The following GRID2 variants were observed in gnomAD, a reference collection of about 807,000 sequenced individuals.
GRID2 encodes the protein glutamate ionotropic receptor delta type subunit 2.
Under a neutral mutation model 114.8 loss-of-function variants are expected in GRID2, and 33 were observed. The observed-to-expected ratio is 0.29, with a 90% CI of 0.22 to 0.38. The LOEUF (loss-of-function observed/expected upper bound fraction) is 0.38. Ranked by LOEUF, GRID2 falls within the 10% of genes least tolerant of loss-of-function variation. GRID2 has a pLI of 1.00. For synonymous variants in GRID2, 505 were observed against 449.9 expected (o/e 1.12, Z -1.55); for missense variants, 1,184 against 1,257.7 (o/e 0.94, Z 0.89).
intron 2 of GRID2, among the ~76,000 whole-genome samples, chr4:93,013,752 C>G (rs1031591280): frequency 6.6e-6 from 1 of 151,882 alleles, no homozygotes; most frequent in East Asian, 1.9e-4. Flanking sequence ...CTTAATCATT[C>G]TTAATCAGAA....
intron 13 of GRID2, among the ~76,000 whole-genome samples, chr4:93,623,459 C>T (rs7679180): frequency 0.13 from 19,695 of 152,034 alleles, 3,605 homozygotes; most frequent in African/African-American, 0.41. Context: ...GCAAAGGACA[C>T]GAACTGCCAG....
intron 1 of GRID2, among the ~76,000 whole-genome samples, chr4:93,782,830 A>C (rs1426265540): frequency 6.6e-6 from 1 of 152,176 alleles, no homozygotes; most frequent in East Asian, 1.9e-4. Flanking sequence ...ATTTGAGATT[A>C]TAATTCTTTG....
intron 1 of GRID2, among the ~76,000 whole-genome samples, chr4:92,359,811 A>G (rs1299720482): frequency 6.6e-6 from 1 of 151,974 alleles, no homozygotes; most frequent in Non-Finnish European, 1.5e-5. Context: ...AAGCTTGCCA[A>G]AACATTTTTT....
At position 93,222,878 on chromosome 4, in the gene GRID2, C is replaced by T. The variant is rs189425315; in HGVS notation, c.964-1736C>T. 4.2e-4 allele frequency among the ~76,000 whole-genome samples: 64 copies of T among 152,020 alleles called. 1 individual carries two copies. The East Asian group carries it at 7.9e-3, about 19-fold the overall frequency. On this transcript the variant is annotated intron_variant, in intron 6 of 15. Transcript: ENST00000282020. ...GACACATGCACACGTATGTTTATTG[C>T]GGCACTACTCACAATAGCAAAGACT... is the stretch of plus-strand genomic sequence containing the variant.
intron 2 of GRID2, among the ~76,000 whole-genome samples, chr4:92,958,599 A>G (rs762227172): frequency 5.3e-5 from 8 of 152,054 alleles, no homozygotes; most frequent in East Asian, 1.9e-4. Flanking sequence ...ATTTGCATCT[A>G]TGTCCACAAC....
intron 13 of GRID2, among the ~76,000 whole-genome samples, chr4:93,613,819 T>C (rs1338723369): frequency 2.0e-5 from 3 of 151,904 alleles, no homozygotes; most frequent in Admixed American, 6.6e-5. Flanking sequence ...GCAGGCCTCC[T>C]TGAGCTGTGG....
intron 11 of GRID2, among the ~76,000 whole-genome samples, chr4:93,486,907 A>C (rs1726465269): frequency 6.6e-6 from 1 of 151,780 alleles, no homozygotes; most frequent in African/African-American, 2.4e-5. Flanking sequence ...TACAATTAAA[A>C]TTAATTACTC....
At chr4:93,780,977 A>G (rs1361918881) in intron 1 of GRID2, among the ~76,000 whole-genome samples, 1 of 152,248 alleles carries the variant, frequency 6.6e-6, no homozygotes, top group East Asian at 1.9e-4. Context: ...TAGGTATTGA[A>G]GGAAGAATCA....
Position 93,580,425 on chromosome 4 carries a change from C to T in GRID2, c.2194-45844C>T, listed in dbSNP as rs182848421. On this transcript the variant is annotated intron_variant, in intron 13 of 15. Transcript: ENST00000282020. ...AAAAATTGTTTCTTTCTGAATATTT[C>T]GAGAAAGAACTCCTGTGTTTTCAGG... is the stretch of plus-strand genomic sequence containing the variant. 1.1e-3 allele frequency among the ~76,000 whole-genome samples: 175 copies of T among 152,236 alleles called. 1 individual carries two copies. Among genetic ancestry groups the T allele is most frequent in the African/African-American group, 4.0e-3 (168 of 41,526 alleles).
intron 2 of GRID2, among the ~76,000 whole-genome samples, chr4:92,610,814 T>G (rs370983157): frequency 6.6e-6 from 1 of 151,728 alleles, no homozygotes; most frequent in East Asian, 1.9e-4. Context: ...AATTAGATAA[T>G]ACAAAATCTT....
At chr4:92,957,214 A>G (rs1752469139) in intron 2 of GRID2, among the ~76,000 whole-genome samples, 1 of 152,140 alleles carries the variant, frequency 6.6e-6, no homozygotes, top group Admixed American at 6.6e-5. Flanking sequence ...TAGTATCTGA[A>G]ACGTTACCAT....
At chr4:93,282,674 AT>A (rs1752770046) in intron 8 of GRID2, among the ~76,000 whole-genome samples, 1 of 152,026 alleles carries the variant, frequency 6.6e-6, no homozygotes, top group Admixed American at 6.6e-5. Flanking sequence ...TTGGGGACAC[AT>A]TCAAATCATA....
chr4:93,099,153 A>C (rs1190438461), intron 3 of GRID2, among the ~76,000 whole-genome samples: 1 of 151,828 alleles, frequency 6.6e-6, no homozygotes, highest in East Asian at 1.9e-4. Flanking sequence ...CCTGAGTTAC[A>C]TGATGACTCT....
At position 93,202,843 on chromosome 4, in the gene GRID2, C is replaced by T. The variant is rs138962550; in HGVS notation, c.736-4561C>T. On this transcript the variant is annotated intron_variant, in intron 4 of 15. Coordinates refer to ENST00000282020, the MANE Select transcript of GRID2 (RefSeq NM_001510.4). Reference sequence around the variant, plus strand: ...ATGAGAAGCATAAACAATATTATCACTGCTTTTTCTCCTTTATTTCCTTTA... The same window carrying T: ...ATGAGAAGCATAAACAATATTATCATTGCTTTTTCTCCTTTATTTCCTTTA... Among the ~76,000 whole-genome samples, 26 of 152,178 alleles carry T rather than the reference C, an allele frequency of 1.7e-4. No individual in the cohort carries two copies. The East Asian group carries it at 4.8e-3, about 28-fold the overall frequency.
chr4:92,675,256 C>A lies in GRID2; in HGVS notation c.244+84970C>A, dbSNP rs1404489282. Among the ~76,000 whole-genome samples, 8 of 152,182 alleles carry A rather than the reference C, an allele frequency of 5.3e-5. No homozygotes were observed. The East Asian group carries it at 1.5e-3, about 29-fold the overall frequency. ...TCAGGTTAATCAGAACTCCACTGTTCCTCAGCACTTTGGCTTTTGGAATAG... is the reference window on the plus strand; with the variant it reads ...TCAGGTTAATCAGAACTCCACTGTTACTCAGCACTTTGGCTTTTGGAATAG... On this transcript the variant is annotated intron_variant, in intron 2 of 15. Coordinates refer to ENST00000282020, the MANE Select transcript of GRID2 (RefSeq NM_001510.4).
chr4:93,045,451 A>C (rs779419808), intron 2 of GRID2, among the ~76,000 whole-genome samples: 1 of 152,100 alleles, frequency 6.6e-6, no homozygotes, highest in Non-Finnish European at 1.5e-5. Context: ...TTTGAGACCA[A>C]AATAACTTTG....
chr4:93,582,497 C>A (rs1234193176), intron 13 of GRID2, among the ~76,000 whole-genome samples: 1 of 152,108 alleles, frequency 6.6e-6, no homozygotes, highest in Non-Finnish European at 1.5e-5. Context: ...ACCACACTGC[C>A]CTCTTAACTT....
chr4:92,442,247 A>G (rs559593806), intron 1 of GRID2, among the ~76,000 whole-genome samples: 34 of 152,026 alleles, frequency 2.2e-4, no homozygotes, highest in South Asian at 8.3e-4. Context: ...TAAGCCGAGA[A>G]GATCTGGGAA....
chr4:92,968,000 C>T (rs949334805), intron 2 of GRID2, among the ~76,000 whole-genome samples: 2 of 151,782 alleles, frequency 1.3e-5, no homozygotes, highest in African/African-American at 2.4e-5. Context: ...GTGCAGGAAC[C>T]TTGTGCGTCT....
Sources: gnomAD v4.1 joint callset for allele counts (sites outside exome capture counted in the v4.1 genomes callset) on GRCh38, gnomAD v4.1.1 for gene constraint, MANE v1.5 for transcripts, NCBI Gene and HGNC (gene_info 2026-07-23, HGNC 2026-07-21) for gene names.